The following FBXO9 variants were observed in gnomAD, a reference collection of about 807,000 sequenced individuals.
The protein encoded by FBXO9 is F-box only protein 9.
Under a neutral mutation model 63.7 loss-of-function variants are expected in FBXO9, and 43 were observed. That is an observed-to-expected ratio of 0.67 (90% confidence interval 0.53 to 0.87). The LOEUF (loss-of-function observed/expected upper bound fraction) is 0.87. FBXO9 is among the 40% of genes least tolerant of loss of function. The pLI, the probability that FBXO9 is intolerant of heterozygous loss-of-function variation, is 0.00. For missense variants in FBXO9, 442 were observed against 533.2 expected (o/e 0.83, Z 1.68); for synonymous variants, 156 against 171.7 (o/e 0.91, Z 0.72).
intron 5 of FBXO9, among the ~76,000 whole-genome samples, 197 bp downstream of exon 5, chr6:53,079,095 C>T (rs1166410822): frequency 6.6e-6 from 1 of 150,542 alleles, no homozygotes; most frequent in Admixed American, 6.6e-5. Flanking sequence ...TAAACAGATA[C>T]AAAAATAAAC....
chr6:53,076,942 CTT>C (rs1769134051), intron 4 of FBXO9, among the ~76,000 whole-genome samples: 1 of 151,844 alleles, frequency 6.6e-6, no homozygotes, highest in African/African-American at 2.4e-5. Context: ...TATAACCTGT[CTT>C]TTTGCAAAAA....
chr6:53,068,654 GTT>G (rs55671320), intron 1 of FBXO9, among the ~76,000 whole-genome samples: 1 of 132,210 alleles, frequency 7.6e-6, no homozygotes, highest in African/African-American at 2.8e-5. Flanking sequence ...ATATATATGT[GTT>G]TTTTTTTTTT....
chr6:53,093,826 TA>T (rs1763120742), intron 10 of FBXO9, 58 bp from the exon 11 acceptor site: 1 of 1,304,794 alleles, frequency 7.7e-7, no homozygotes. Context: ...TGTTACTTCT[TA>T]GATTACTTAA....
intron 7 of FBXO9, among the ~76,000 whole-genome samples, chr6:53,086,836 G>A (rs769691639): frequency 1.3e-5 from 2 of 152,146 alleles, no homozygotes; most frequent in African/African-American, 2.4e-5. Flanking sequence ...GGGAGGCCAA[G>A]GTAGGAGGAT....
chr6:53,080,296 G>GGTTTTTTTTTTT, intron 5 of FBXO9, among the ~76,000 whole-genome samples: 1 of 148,136 alleles, frequency 6.8e-6, no homozygotes, highest in Non-Finnish European at 1.5e-5. Context: ...TGCCCTTCCT[G>GGTTTTTTTTTTT]GTTTTTTTTT....
intron 3 of FBXO9, 29 bp from the exon 4 acceptor site, chr6:53,076,457 T>A: frequency 1.4e-6 from 2 of 1,466,934 alleles, no homozygotes; most frequent in Non-Finnish European, 1.8e-6. Context: ...ATGCAGGTTT[T>A]CAAAAATTTT....
chr6:53,092,501 G>A lies in FBXO9; in HGVS notation c.726G>A (p.Thr242=), dbSNP rs990757289. The part of the protein sequence containing the change: ...GRSCIKLVPY[T]SWREMFLERP... ...GCTGTATTAAACTTGTTCCGTACAC[G>A]TCCTGGAGAGAGATGTTTTTAGAAC... The change falls in exon 8 of 13, where the codon ACG becomes ACA. Residue 242 remains threonine, a synonymous_variant. Transcript: ENST00000323557. The A allele has an allele frequency of 6.2e-6, 10 of 1,613,900 alleles. No individual in the cohort carries two copies. Among genetic ancestry groups the A allele is most frequent in the African/African-American group, 1.3e-5 (1 of 75,004 alleles).
chr6:53,093,717 C>T (rs1763117157), intron 10 of FBXO9, among the ~76,000 whole-genome samples, 156 bp downstream of exon 10: 1 of 152,124 alleles, frequency 6.6e-6, no homozygotes, highest in African/African-American at 2.4e-5. Flanking sequence ...TGGGCTTTTC[C>T]TTAGAAAATC....
intron 3 of FBXO9, among the ~76,000 whole-genome samples, chr6:53,074,447 CG>C (rs1285178715): frequency 8.5e-5 from 13 of 152,136 alleles, no homozygotes; most frequent in African/African-American, 2.4e-4. Context: ...ATATCAAAAA[CG>C]AGGAAATAGA....
chr6:53,065,618 G>C lies in FBXO9; in HGVS notation c.-172G>C. The C allele has an allele frequency of 1.3e-6, 1 of 751,676 alleles. No individual in the cohort carries two copies. The highest frequency in any genetic ancestry group is 1.9e-6 in the Non-Finnish European group (1 of 539,232). The allele number at this position is 751,676 out of a possible 1,614,324, so 46.6% of individuals were successfully genotyped here. A position where few individuals can be genotyped will look rare whatever the true frequency, so the allele number is the denominator to read the frequency against. On this transcript the variant is annotated 5_prime_UTR_variant, in exon 1 of 13. Transcript: ENST00000323557. ...CCCGCGAAGATGGCTGCCGTACGCC[G>C]GGCCCGCAGTTATTGCCGCTGCCTG...
At chr6:53,080,683 A>G (rs1769278393) in intron 5 of FBXO9, among the ~76,000 whole-genome samples, 1 of 152,234 alleles carries the variant, frequency 6.6e-6, no homozygotes. Context: ...GCAGTAACTC[A>G]TAAAATCTCT....
rs1768902708 is a variant in FBXO9, at chr6:53,071,160, G to A, written c.90+17G>A. 2 of 1,546,890 alleles carry A rather than the reference G, an allele frequency of 1.3e-6. No individual in the cohort carries two copies. Among genetic ancestry groups the A allele is most frequent in the Non-Finnish European group, 1.8e-6 (2 of 1,142,774 alleles). The stretch of plus-strand genomic sequence containing the variant: ...GATCTGCAGGCATGTTTCTTCAATT[G>A]TGTCTTTGATTTTTATTCCATTGTT... On this transcript the variant is annotated intron_variant, in intron 2 of 12. Transcript: ENST00000323557.
rs754445703 is a variant in FBXO9, at chr6:53,082,572, T to C, written c.607T>C (p.Leu203=). ...GTCTAGTGACTTGGACCTCAGATCA[T>C]TGGAGCAGTTGTCGCTGGTGTGCAG... is the stretch of plus-strand genomic sequence containing the variant. The part of the protein sequence containing the change: ...VVSSDLDLRS[L]EQLSLVCRGF... Residue 203 remains leucine (L), a synonymous_variant, in exon 7 of 13, where the codon TTG becomes CTG. Coordinates refer to ENST00000323557, the MANE Select transcript of FBXO9 (RefSeq NM_033480.3). 32 of 1,613,694 alleles carry C rather than the reference T, an allele frequency of 2.0e-5. No homozygotes were observed. The highest frequency in any genetic ancestry group is 2.3e-5 in the Non-Finnish European group (27 of 1,179,770).
At chr6:53,088,272 TCAG>T (rs1190135096) in intron 7 of FBXO9, among the ~76,000 whole-genome samples, 2 of 152,150 alleles carry the variant, frequency 1.3e-5, no homozygotes, top group Non-Finnish European at 2.9e-5. Flanking sequence ...AATGGAAAAG[TCAG>T]CAGATTCAAA....
At chr6:53,092,967 T>TA (rs534960100) in intron 9 of FBXO9, 143 bp downstream of exon 9, 20,993 of 353,316 alleles carry the variant, frequency 0.059, no homozygotes, top group East Asian at 0.08. Flanking sequence ...GGAATTGCAC[T>TA]AAAAAAAAAA....
At position 53,093,886 on chromosome 6, in the gene FBXO9, A is replaced by T; in HGVS notation, c.961A>T (p.Thr321Ser). 6.5e-7 allele frequency: 1 copy of T among 1,531,624 alleles called. No individual in the cohort carries two copies. The highest frequency in any genetic ancestry group is 2.1e-5 in the Admixed American group (1 of 48,076). 94.9% of individuals were successfully genotyped at this position (1,531,624 alleles called of 1,614,324 possible). A position where few individuals can be genotyped will look rare whatever the true frequency, so the allele number is the denominator to read the frequency against. ...VPRLRTRNTR[T>S]DAILLGHYRL... is the part of the protein sequence containing the mutation. Reference sequence around the variant, plus strand: ...TTCAATTTGTTTTTTTTTTTTAAGGACTGATGCAATTCTACTGGGTCACTA... The same window carrying T: ...TTCAATTTGTTTTTTTTTTTTAAGGTCTGATGCAATTCTACTGGGTCACTA... Residue 321 changes from threonine to serine, a missense_variant and splice_region_variant, in exon 11 of 13, where the codon ACT (threonine) becomes TCT (serine). Transcript: ENST00000323557.
chr6:53,078,768 A>G, intron 4 of FBXO9, 31 bp from the exon 5 acceptor site: 2 of 1,508,004 alleles, frequency 1.3e-6, no homozygotes, highest in Non-Finnish European at 1.8e-6. Context: ...ATGTGTGGTC[A>G]CAGCTAATTT....
chr6:53,097,247 C>T (rs1186873392), intron 12 of FBXO9, among the ~76,000 whole-genome samples: 2 of 152,014 alleles, frequency 1.3e-5, no homozygotes, highest in Non-Finnish European at 2.9e-5. Flanking sequence ...TTAAGAAGAA[C>T]CTAATGTCTA....
chr6:53,065,012 T>C (rs1411856226), upstream of FBXO9: 1 of 152,318 alleles, frequency 6.6e-6, no homozygotes, highest in African/African-American at 2.4e-5. Context: ...AGTCTGTCTG[T>C]GCTCTCAAAA....
Sources: gnomAD v4.1 joint callset for allele counts (sites outside exome capture counted in the v4.1 genomes callset) on GRCh38, gnomAD v4.1.1 for gene constraint, MANE v1.5 for transcripts, NCBI Gene and HGNC (gene_info 2026-07-23, HGNC 2026-07-21) for gene names.